The following TLE1 variants were observed in gnomAD, a reference collection of about 807,000 sequenced individuals.
The protein encoded by TLE1 is transducin-like enhancer protein 1.
A neutral mutation model predicts 89.8 loss-of-function variants in TLE1; 21 were observed. The observed-to-expected ratio is 0.23, with a 90% CI of 0.17 to 0.34. TLE1 has a LOEUF of 0.34. TLE1 is among the 10% of genes least tolerant of loss of function. The pLI is 1.00. For synonymous variants in TLE1, 447 were observed against 407.6 expected (o/e 1.10, Z -1.16); for missense variants, 795 against 1,031.2 (o/e 0.77, Z 3.14).
chr9:81,642,817 C>G (rs934216213), intron 6 of TLE1, among the ~76,000 whole-genome samples: 1 of 152,106 alleles, frequency 6.6e-6, no homozygotes, highest in African/African-American at 2.4e-5. Flanking sequence ...GCCAAGATAC[C>G]GAACAACCCA....
intron 13 of TLE1, among the ~76,000 whole-genome samples, 182 bp downstream of exon 13, chr9:81,611,587 T>C (rs1454539630): frequency 2.0e-5 from 3 of 152,224 alleles, no homozygotes; most frequent in Non-Finnish European, 2.9e-5. Flanking sequence ...AGCATGCTGA[T>C]GAAAGCTGAC....
At chr9:81,662,303 G>A (rs1048826308) in intron 4 of TLE1, among the ~76,000 whole-genome samples, 6 of 151,714 alleles carry the variant, frequency 4.0e-5, no homozygotes, top group Admixed American at 4.0e-4. Flanking sequence ...ATGCTAAAAT[G>A]ACCAAGACAT....
At chr9:81,606,054 A>G (rs1250194710) in intron 14 of TLE1, among the ~76,000 whole-genome samples, 1 of 152,248 alleles carries the variant, frequency 6.6e-6, no homozygotes, top group African/African-American at 2.4e-5. Context: ...AGAAATGCAA[A>G]TCAAAACCAC....
intron 4 of TLE1, among the ~76,000 whole-genome samples, chr9:81,681,122 C>A (rs569771285): frequency 2.0e-5 from 3 of 152,244 alleles, no homozygotes; most frequent in South Asian, 4.1e-4. Context: ...CAGTTTCACT[C>A]CAAAATTTAC....
At chr9:81,629,862 G>C (rs1269886632) in intron 8 of TLE1, among the ~76,000 whole-genome samples, 2 of 152,146 alleles carry the variant, frequency 1.3e-5, no homozygotes, top group Non-Finnish European at 2.9e-5. Flanking sequence ...CACTGTTGAT[G>C]GAAGTGTTGT....
intron 11 of TLE1, among the ~76,000 whole-genome samples, chr9:81,615,242 T>C (rs1378690603): frequency 6.7e-6 from 1 of 149,136 alleles, no homozygotes; most frequent in Non-Finnish European, 1.5e-5. Context: ...GGCAGGAGAA[T>C]TGTTTGAACC....
intron 1 of TLE1, among the ~76,000 whole-genome samples, chr9:81,687,699 G>A (rs1434580509): frequency 2.0e-5 from 3 of 152,050 alleles, no homozygotes; most frequent in African/African-American, 7.2e-5. Flanking sequence ...AGGCCAAAGG[G>A]AAGGGGGCTC....
At chr9:81,648,129 G>GGGC (rs1588114258) in intron 6 of TLE1, among the ~76,000 whole-genome samples, 1 of 151,790 alleles carries the variant, frequency 6.6e-6, no homozygotes, top group East Asian at 1.9e-4. Context: ...AAAATTAGCT[G>GGGC]GGTATGGCGG....
chr9:81,631,622 CA>C (rs1403932598), intron 8 of TLE1, among the ~76,000 whole-genome samples: 4 of 152,178 alleles, frequency 2.6e-5, no homozygotes, highest in Non-Finnish European at 5.9e-5. Context: ...ACTCAATGAA[CA>C]TAGCCATTTA....
At chr9:81,612,963 C>A (rs921713503) in intron 12 of TLE1, among the ~76,000 whole-genome samples, 2 of 152,156 alleles carry the variant, frequency 1.3e-5, no homozygotes. Context: ...GAGGCTCAGG[C>A]AAGAGAATCG....
In TLE1 at chr9:81,630,355, T is replaced by C. The variant is rs141544661; in HGVS notation, c.594+2993A>G. 2.2e-4 allele frequency among the ~76,000 whole-genome samples: 33 copies of C among 152,320 alleles called. No individual in the cohort carries two copies. The East Asian group carries it at 6.0e-3, about 28-fold the overall frequency. On this transcript the variant is annotated intron_variant, in intron 8 of 19. Transcript: ENST00000376499. ...AACTACAAGGCATTCAAGACATTTGTAGACATACATAACAATGCCACTCTT... is the reference window on the plus strand; with the variant it reads ...AACTACAAGGCATTCAAGACATTTGCAGACATACATAACAATGCCACTCTT...
Position 81,639,579 on chromosome 9 carries a change from T to G in TLE1, c.373-5278A>C, listed in dbSNP as rs1056856153. ...GTAAAGTGATTAGTAAAAGTTGTTT[T>G]TTTTTTTTGTTTTTTTTTTTTTTGA... is the stretch of plus-strand genomic sequence containing the variant. On this transcript the variant is annotated intron_variant, in intron 6 of 19. Coordinates refer to ENST00000376499, the MANE Select transcript of TLE1 (RefSeq NM_005077.5). Among the ~76,000 whole-genome samples, 4 of 148,018 alleles carry G rather than the reference T, an allele frequency of 2.7e-5. No individual in the cohort carries two copies. The South Asian group carries it at 9.1e-4, about 34-fold the overall frequency.
Position 81,640,747 on chromosome 9 carries a change from CAG to C in TLE1, c.373-6448_373-6447del, listed in dbSNP as rs150806781. Among the ~76,000 whole-genome samples the C allele has an allele frequency of 3.6e-3, 550 of 152,280 alleles. 3 individuals are homozygous for C. The highest frequency in any genetic ancestry group is 0.013 in the African/African-American group (534 of 41,560). On this transcript the variant is annotated intron_variant, in intron 6 of 19. Coordinates refer to ENST00000376499, the MANE Select transcript of TLE1 (RefSeq NM_005077.5). ...TGAAACTGACTTTGCTGTTTACATT[CAG>C]AGTGTTACTGTAATGGTATAGTTTC...
intron 8 of TLE1, among the ~76,000 whole-genome samples, chr9:81,625,542 A>G (rs1450805378): frequency 1.3e-5 from 2 of 151,664 alleles, no homozygotes; most frequent in African/African-American, 4.9e-5. Context: ...AGAGGCCAAT[A>G]TATTCTTTTA....
At chr9:81,606,339 C>T (rs924762493) in intron 14 of TLE1, among the ~76,000 whole-genome samples, 4 of 152,182 alleles carry the variant, frequency 2.6e-5, no homozygotes, top group African/African-American at 9.7e-5. Context: ...TATTGTAGCA[C>T]TATTCAAAAC....
At chr9:81,654,157 G>A in intron 4 of TLE1, 121 bp from the exon 5 acceptor site, 1 of 814,518 alleles carries the variant, frequency 1.2e-6, no homozygotes, top group Non-Finnish European at 1.9e-6. Flanking sequence ...GTATAAAATG[G>A]TTTCCCCAGG....
At chr9:81,662,002 G>A (rs1200707472) in intron 4 of TLE1, among the ~76,000 whole-genome samples, 2 of 152,118 alleles carry the variant, frequency 1.3e-5, no homozygotes, top group African/African-American at 4.8e-5. Flanking sequence ...ATTCAAACCC[G>A]TTGGTAAGGC....
chr9:81,649,939 C>G (rs538239755), intron 6 of TLE1, among the ~76,000 whole-genome samples: 1 of 152,298 alleles, frequency 6.6e-6, no homozygotes, highest in East Asian at 1.9e-4. Context: ...TTGATCACCA[C>G]AAACTTGAAA....
chr9:81,647,436 T>C (rs1260198378), intron 6 of TLE1, among the ~76,000 whole-genome samples: 2 of 152,200 alleles, frequency 1.3e-5, no homozygotes, highest in African/African-American at 4.8e-5. Context: ...TGTTTCCTTA[T>C]TAAAAGTCAT....
Sources: allele counts gnomAD v4.1 joint callset (sites outside exome capture counted in the v4.1 genomes callset), GRCh38; gene constraint gnomAD v4.1.1; transcripts MANE v1.5; gene names NCBI Gene and HGNC (gene_info 2026-07-23, HGNC 2026-07-21).